The following FGGY variants were observed in gnomAD, a reference collection of about 807,000 sequenced individuals.
FGGY encodes the protein FGGY carbohydrate kinase domain-containing protein.
FGGY carries 72 observed loss-of-function variants against 71.3 expected under a neutral mutation model. The observed-to-expected ratio is 1.01, with a 90% CI of 0.84 to 1.23. The LOEUF (loss-of-function observed/expected upper bound fraction) is 1.23. Ranked by LOEUF, FGGY falls within the 50% of genes most tolerant of loss-of-function variation. The pLI is 0.00. For synonymous variants in FGGY, 251 were observed against 250.3 expected (o/e 1.00, Z -0.02); for missense variants, 668 against 682.3 (o/e 0.98, Z 0.23).
At position 59,687,246 on chromosome 1, in the gene FGGY, G is replaced by C. The variant is rs143109951; in HGVS notation, c.1512+13113G>C. Among the ~76,000 whole-genome samples, 626 of 152,234 alleles carry C rather than the reference G, an allele frequency of 4.1e-3. 2 individuals are homozygous for C. Among genetic ancestry groups the C allele is most frequent in the Non-Finnish European group, 6.9e-3 (472 of 68,020 alleles). ...ACAGCAGCAGCTGCATTTTCTGTCT[G>C]ATTCCAGCTCCCAGCCTCTCTCAGA... is the stretch of plus-strand genomic sequence containing the variant. On this transcript the variant is annotated intron_variant, in intron 14 of 15. Transcript: ENST00000303721.
chr1:59,463,725 A>G (rs2092421657), intron 6 of FGGY, among the ~76,000 whole-genome samples: 1 of 152,036 alleles, frequency 6.6e-6, no homozygotes, highest in Admixed American at 6.5e-5. Context: ...CTTGTCTCTG[A>G]TAAAACAGAC....
At chr1:59,663,303 C>T (rs550053566) in intron 12 of FGGY, among the ~76,000 whole-genome samples, 1 of 152,220 alleles carries the variant, frequency 6.6e-6, no homozygotes, top group Admixed American at 6.5e-5. Flanking sequence ...TTCCACTTTA[C>T]CATGCTGCAT....
intron 14 of FGGY, among the ~76,000 whole-genome samples, chr1:59,689,835 T>C (rs765958912): frequency 2.6e-5 from 4 of 152,094 alleles, no homozygotes; most frequent in Non-Finnish European, 4.4e-5. Flanking sequence ...CATTGAGAGA[T>C]GGGGAGCAAG....
intron 4 of FGGY, among the ~76,000 whole-genome samples, chr1:59,367,015 C>G (rs960072385): frequency 2.0e-5 from 3 of 152,100 alleles, no homozygotes; most frequent in African/African-American, 7.2e-5. Context: ...ATGATCACAG[C>G]CAAGTTGGAG....
In FGGY at chr1:59,625,665, C is replaced by G. The variant is rs146822844; in HGVS notation, c.1012-323C>G. 1.6e-4 allele frequency among the ~76,000 whole-genome samples: 25 copies of G among 152,180 alleles called. 1 individual carries two copies. The highest frequency in any genetic ancestry group is 4.3e-4 in the African/African-American group (18 of 41,512). ...GGTGCTTTTAACACTCAGACCCCCCCCATTTGACATAAGTTACCCTTCCTT... is the reference window on the plus strand; with the variant it reads ...GGTGCTTTTAACACTCAGACCCCCCGCATTTGACATAAGTTACCCTTCCTT... On this transcript the variant is annotated intron_variant, in intron 9 of 15. Transcript: ENST00000303721.
At chr1:59,690,815 G>A (rs922840597) in intron 14 of FGGY, among the ~76,000 whole-genome samples, 1 of 152,184 alleles carries the variant, frequency 6.6e-6, no homozygotes, top group African/African-American at 2.4e-5. Flanking sequence ...ATTTAAAGTC[G>A]CTAGCAGGTA....
At chr1:59,741,873 A>G (rs2098151769) in intron 14 of FGGY, among the ~76,000 whole-genome samples, 2 of 148,862 alleles carry the variant, frequency 1.3e-5, no homozygotes. Flanking sequence ...CGGAAGGCAG[A>G]GCTTGCAGTG....
intron 1 of FGGY, among the ~76,000 whole-genome samples, chr1:59,311,937 G>A (rs1180444027): frequency 2.6e-5 from 4 of 152,068 alleles, no homozygotes; most frequent in South Asian, 4.2e-4. Flanking sequence ...TTTAATAATC[G>A]CCATTCTGAC....
chr1:59,560,461 T>C (rs910087660), intron 8 of FGGY, among the ~76,000 whole-genome samples: 1 of 152,204 alleles, frequency 6.6e-6, no homozygotes, highest in Admixed American at 6.5e-5. Flanking sequence ...CATGATAATA[T>C]ATCAGTGTCA....
intron 14 of FGGY, among the ~76,000 whole-genome samples, chr1:59,713,749 C>T (rs2100374206): frequency 6.6e-6 from 1 of 152,332 alleles, no homozygotes; most frequent in East Asian, 1.9e-4. Flanking sequence ...AACTCCTACT[C>T]TAAGACTTTC....
chr1:59,648,784 T>G (rs1167565895), intron 11 of FGGY, among the ~76,000 whole-genome samples: 1 of 152,156 alleles, frequency 6.6e-6, no homozygotes, highest in East Asian at 1.9e-4. Flanking sequence ...TTGGCTTTTG[T>G]TGCCATTGCT....
intron 7 of FGGY, among the ~76,000 whole-genome samples, chr1:59,537,951 T>C (rs1453989127): frequency 6.6e-6 from 1 of 152,240 alleles, no homozygotes; most frequent in South Asian, 2.1e-4. Context: ...GGACTTCATG[T>C]CTAAAACACC....
At chr1:59,564,273 A>G (rs1255309455) in intron 8 of FGGY, among the ~76,000 whole-genome samples, 1 of 152,132 alleles carries the variant, frequency 6.6e-6, no homozygotes, top group Non-Finnish European at 1.5e-5. Context: ...TTGGGAGAAA[A>G]ATTTTGCAGT....
chr1:59,302,318 T>G, intron 1 of FGGY, among the ~76,000 whole-genome samples: 1 of 152,190 alleles, frequency 6.6e-6, no homozygotes, highest in East Asian at 1.9e-4. Context: ...CCATTTTGAT[T>G]TTTTCTGGAA....
At chr1:59,448,848 TC>T (rs1195007243) in intron 5 of FGGY, among the ~76,000 whole-genome samples, 3 of 152,148 alleles carry the variant, frequency 2.0e-5, no homozygotes, top group Non-Finnish European at 4.4e-5. Flanking sequence ...ATGAGATAGA[TC>T]CTTCAGTGCC....
chr1:59,414,360 G>A lies in FGGY; in HGVS notation c.554+35523G>A, dbSNP rs1496491. On this transcript the variant is annotated intron_variant, in intron 5 of 15. Coordinates refer to ENST00000303721, the MANE Select transcript of FGGY (RefSeq NM_018291.5). ...ACCTGGAAATGTGTGTTCATTTGGG[G>A]TATCTAGATGAGGCAGGACTTCAAG... 1.6e-3 allele frequency among the ~76,000 whole-genome samples: 246 copies of A among 152,238 alleles called. 1 individual carries two copies. Among genetic ancestry groups the A allele is most frequent in the African/African-American group, 5.8e-3 (241 of 41,512 alleles).
intron 14 of FGGY, among the ~76,000 whole-genome samples, chr1:59,728,453 A>G (rs1380898270): frequency 2.6e-5 from 4 of 152,060 alleles, no homozygotes; most frequent in African/African-American, 9.7e-5. Context: ...TAAAAAGATG[A>G]AATATTATCA....
At chr1:59,331,375 T>C (rs866355747) in intron 2 of FGGY, among the ~76,000 whole-genome samples, 1 of 152,168 alleles carries the variant, frequency 6.6e-6, no homozygotes, top group Non-Finnish European at 1.5e-5. Context: ...TTTTACAAAA[T>C]TGACTGCCTT....
intron 9 of FGGY, among the ~76,000 whole-genome samples, chr1:59,624,457 A>G (rs967489538): frequency 2.6e-5 from 4 of 152,214 alleles, no homozygotes; most frequent in Non-Finnish European, 1.5e-5. Context: ...GTACTGATGT[A>G]TGGGAAATGA....
Sources: allele counts gnomAD v4.1 joint callset (sites outside exome capture counted in the v4.1 genomes callset), GRCh38; gene constraint gnomAD v4.1.1; transcripts MANE v1.5; gene names NCBI Gene and HGNC (gene_info 2026-07-23, HGNC 2026-07-21).